MAN1C1: variants seen among roughly 807,000 people sequenced by gnomAD.
MAN1C1 encodes mannosidase alpha class 1C member 1, also known as mannosyl-oligosaccharide 1,2-alpha-mannosidase IC.
Under a neutral mutation model 71.5 loss-of-function variants are expected in MAN1C1, and 49 were observed. The observed-to-expected ratio is 0.69, with a 90% CI of 0.54 to 0.87. The LOEUF (loss-of-function observed/expected upper bound fraction) is 0.87, where lower values mean the gene tolerates loss of function less well. MAN1C1 is among the 40% of genes least tolerant of loss of function. MAN1C1 has a pLI of 0.00. For synonymous variants in MAN1C1, 352 were observed against 343.7 expected, an observed-to-expected ratio of 1.02 and a Z score of -0.27; for missense variants, 743 against 835.0, an observed-to-expected ratio of 0.89 and a Z score of 1.36.
chr1:25,763,825 C>T (rs747874631), intron 6 of MAN1C1, 49 bp from the exon 7 acceptor site: 105 of 1,491,254 alleles, frequency 7.0e-5, no homozygotes, highest in East Asian at 2.3e-5. Flanking sequence ...TGGGTGCAGT[C>T]GGCTTCTTCG....
intron 5 of MAN1C1, among the ~76,000 whole-genome samples, chr1:25,754,824 G>A (rs2047264122): frequency 6.6e-6 from 1 of 152,216 alleles, no homozygotes; most frequent in African/African-American, 2.4e-5. Flanking sequence ...TGACATTTGT[G>A]ATTAAGGAAG....
In MAN1C1 at chr1:25,783,327, GA is replaced by G. The variant is rs547407278; in HGVS notation, c.1767-335del. Among the ~76,000 whole-genome samples the G allele has an allele frequency of 1.5e-3, 228 of 152,330 alleles. 1 individual carries two copies. Among genetic ancestry groups the G allele is most frequent in the Admixed American group, 6.7e-3 (102 of 15,304 alleles). ...TAGTGGGCAGCAGCGGGGCACGTGA[GA>G]GTCAACTGGACTGCAGCAGCCCTCA... is the stretch of plus-strand genomic sequence containing the variant. On this transcript the variant is annotated intron_variant, in intron 11 of 11. Coordinates refer to ENST00000374332, the MANE Select transcript of MAN1C1 (RefSeq NM_020379.4).
At chr1:25,626,431 T>G (rs2045295729) in intron 1 of MAN1C1, among the ~76,000 whole-genome samples, 1 of 151,986 alleles carries the variant, frequency 6.6e-6, no homozygotes, top group South Asian at 2.1e-4. Flanking sequence ...CGATCTCAGC[T>G]CACTGCAAGC....
At chr1:25,667,757 A>T (rs2124121774) in intron 1 of MAN1C1, among the ~76,000 whole-genome samples, 1 of 152,322 alleles carries the variant, frequency 6.6e-6, no homozygotes, top group East Asian at 1.9e-4. Flanking sequence ...CAATATCCTA[A>T]GTGGCCTCTG....
chr1:25,783,476 T>A (rs183558542), intron 11 of MAN1C1, among the ~76,000 whole-genome samples, 187 bp from the exon 12 acceptor site: 15 of 152,286 alleles, frequency 9.8e-5, no homozygotes, highest in African/African-American at 3.6e-4. Context: ...GGCTTTTCTC[T>A]GCAGCCACAG....
At chr1:25,768,953 C>T (rs1172900921) in intron 7 of MAN1C1, among the ~76,000 whole-genome samples, 1 of 147,178 alleles carries the variant, frequency 6.8e-6, no homozygotes, top group East Asian at 2.1e-4. Flanking sequence ...ACACACTTCC[C>T]CTACACACAC....
At position 25,725,169 on chromosome 1, in the gene MAN1C1, C is replaced by T. The variant is rs1346035549; in HGVS notation, c.638-21499C>T. 6.6e-6 allele frequency among the ~76,000 whole-genome samples: 1 copy of T among 152,176 alleles called. No individual in the cohort carries two copies. Among genetic ancestry groups the T allele is most frequent in the Non-Finnish European group, 1.5e-5 (1 of 68,034 alleles). On this transcript the variant is annotated intron_variant, in intron 2 of 11. Coordinates refer to ENST00000374332, the MANE Select transcript of MAN1C1 (RefSeq NM_020379.4). This position sits in a 1 kb window ranked among gnomAD's most constrained non-coding sequence, Gnocchi z 4.8. Reference sequence around the variant, plus strand: ...ACCAATGTGGTGTGAAGACAAAAGGCTCAGTTTGCTCCTCTTGTGACTGGA... The same window carrying T: ...ACCAATGTGGTGTGAAGACAAAAGGTTCAGTTTGCTCCTCTTGTGACTGGA...
intron 2 of MAN1C1, among the ~76,000 whole-genome samples, chr1:25,744,340 T>C (rs1465885000): frequency 6.6e-6 from 1 of 152,190 alleles, no homozygotes; most frequent in African/African-American, 2.4e-5. Context: ...TCAAGTCTGT[T>C]TGGCTTTGGG....
chr1:25,674,008 C>T (rs113912204), intron 1 of MAN1C1, among the ~76,000 whole-genome samples: 30 of 152,310 alleles, frequency 2.0e-4, no homozygotes, highest in East Asian at 5.8e-4. Flanking sequence ...GTCCCCCACA[C>T]GCTGTCTTCC....
chr1:25,747,634 G>T (rs1478490809), intron 3 of MAN1C1, among the ~76,000 whole-genome samples: 1 of 152,166 alleles, frequency 6.6e-6, no homozygotes, highest in Non-Finnish European at 1.5e-5. Flanking sequence ...TTGAGAGACA[G>T]CTTGCCAGCA....
rs1557795609 is a variant in MAN1C1, at chr1:25,758,578, T to G, written c.930-14T>G. On this transcript the variant is annotated splice_polypyrimidine_tract_variant and intron_variant, in intron 5 of 11. Transcript: ENST00000374332. Reference sequence around the variant, plus strand: ...CCAAAGGGGGGATGACGGGGGCTGCTTCTGTCTTTTCAGTGGGAACTGGGG... The same window carrying G: ...CCAAAGGGGGGATGACGGGGGCTGCGTCTGTCTTTTCAGTGGGAACTGGGG... 2.5e-6 allele frequency: 4 copies of G among 1,613,680 alleles called. No homozygotes were observed. The highest frequency in any genetic ancestry group is 3.4e-6 in the Non-Finnish European group (4 of 1,179,690).
Position 25,688,475 on chromosome 1 carries a change from C to G in MAN1C1, c.637+1939C>G, listed in dbSNP as rs539597491. Reference sequence around the variant, plus strand: ...TGGGAGGGGCTGATGATTCCTGAAACTGCACACAGCATGGGCGCAGCTATT... The same window carrying G: ...TGGGAGGGGCTGATGATTCCTGAAAGTGCACACAGCATGGGCGCAGCTATT... On this transcript the variant is annotated intron_variant, in intron 2 of 11. Coordinates refer to ENST00000374332, the MANE Select transcript of MAN1C1 (RefSeq NM_020379.4). Among the ~76,000 whole-genome samples the G allele has an allele frequency of 2.0e-5, 3 of 152,350 alleles. No homozygotes were observed. The South Asian group carries it at 6.2e-4, about 32-fold the overall frequency.
chr1:25,766,951 G>C (rs1020438005), intron 7 of MAN1C1, among the ~76,000 whole-genome samples: 1 of 151,970 alleles, frequency 6.6e-6, no homozygotes, highest in Non-Finnish European at 1.5e-5. Context: ...GCATTGGCAC[G>C]GTCAGGAAGC....
chr1:25,769,080 ACAC>A lies in MAN1C1; in HGVS notation c.1142-2576_1142-2574del, dbSNP rs1199094139. Among the ~76,000 whole-genome samples, 4 of 127,760 alleles carry A rather than the reference ACAC, an allele frequency of 3.1e-5. No individual in the cohort carries two copies. The East Asian group carries it at 7.4e-4, about 24-fold the overall frequency. The allele number at this position is 127,760 out of a possible 152,430, so 83.8% of individuals were successfully genotyped here. ...CTACACACCACCCACACTCCCACAC[ACAC>A]ACCTATCACCCACACTCCCTCCCAC... On this transcript the variant is annotated intron_variant, in intron 7 of 11. Transcript: ENST00000374332. This position sits in a 1 kb window ranked among gnomAD's most constrained non-coding sequence, Gnocchi z 4.8.
intron 1 of MAN1C1, among the ~76,000 whole-genome samples, chr1:25,685,543 T>C (rs1316546132): frequency 6.6e-6 from 1 of 152,224 alleles, no homozygotes; most frequent in African/African-American, 2.4e-5. Flanking sequence ...TGACCTTGCA[T>C]CTGCTTCAGC....
intron 1 of MAN1C1, among the ~76,000 whole-genome samples, chr1:25,677,530 C>T (rs1260055198): frequency 2.6e-5 from 4 of 152,016 alleles, no homozygotes; most frequent in East Asian, 3.9e-4. Flanking sequence ...TGATTGGTTC[C>T]GACTGTCATG....
At chr1:25,621,612 G>GT (rs1443003624) in intron 1 of MAN1C1, among the ~76,000 whole-genome samples, 4 of 151,200 alleles carry the variant, frequency 2.6e-5, no homozygotes, top group South Asian at 2.1e-4. Flanking sequence ...TGTTGTTGTT[G>GT]TTTTTTTTGT....
intron 1 of MAN1C1, among the ~76,000 whole-genome samples, chr1:25,678,915 C>T (rs1401961883): frequency 1.3e-5 from 2 of 152,070 alleles, no homozygotes; most frequent in Admixed American, 1.3e-4. Flanking sequence ...AGTTGTTTTC[C>T]TTCTCTTTTT....
chr1:25,640,317 C>T (rs903979379), intron 1 of MAN1C1, among the ~76,000 whole-genome samples: 8 of 152,206 alleles, frequency 5.3e-5, no homozygotes, highest in Admixed American at 5.2e-4. Flanking sequence ...CCCCCATCCT[C>T]ATTCTTGGAA....
Sources: allele counts gnomAD v4.1 joint callset (sites outside exome capture counted in the v4.1 genomes callset), GRCh38; gene constraint gnomAD v4.1.1; non-coding constraint Gnocchi (gnomAD v3.1); transcripts MANE v1.5; gene names NCBI Gene and HGNC (gene_info 2026-07-23, HGNC 2026-07-21).